The following PRDM5 variants were observed in gnomAD, a reference collection of about 807,000 sequenced individuals.
The protein encoded by PRDM5 is PR domain zinc finger protein 5.
PRDM5 carries 56 observed loss-of-function variants against 81.2 expected under a neutral mutation model. The observed-to-expected ratio is 0.69, with a 90% CI of 0.56 to 0.86. PRDM5 has a LOEUF of 0.86. Among genes scored for constraint, PRDM5 ranks in the 40% least tolerant of loss-of-function variants. PRDM5 has a pLI of 0.00. For missense variants in PRDM5, 697 were observed against 770.1 expected (o/e 0.91, Z 1.12); for synonymous variants, 267 against 256.4 (o/e 1.04, Z -0.39).
downstream of PRDM5, among the ~76,000 whole-genome samples, chr4:120,689,974 T>A (rs1309130317): frequency 2.0e-5 from 3 of 152,112 alleles, no homozygotes; most frequent in African/African-American, 7.2e-5. Flanking sequence ...TTTGCCAATT[T>A]AAATAAAAGT....
chr4:120,844,431 T>C (rs552132567), intron 3 of PRDM5, among the ~76,000 whole-genome samples: 15 of 152,340 alleles, frequency 9.8e-5, no homozygotes, highest in Admixed American at 2.6e-4. Flanking sequence ...TGTGCTTACT[T>C]CATGCCTCTG....
At chr4:120,921,693 A>AT (rs941780904) in intron 1 of PRDM5, among the ~76,000 whole-genome samples, 2 of 152,178 alleles carry the variant, frequency 1.3e-5, no homozygotes, top group Admixed American at 1.3e-4. Context: ...TTATAATATT[A>AT]TAAGATCAAA....
At chr4:120,916,391 A>ATAAT (rs1724170027) in intron 1 of PRDM5, among the ~76,000 whole-genome samples, 1 of 9,046 alleles carries the variant, frequency 1.1e-4, no homozygotes, top group Non-Finnish European at 3.3e-4. Context: ...TATCTCATAA[A>ATAAT]TAAATAAATA....
intron 3 of PRDM5, among the ~76,000 whole-genome samples, chr4:120,835,288 T>C (rs1757211588): frequency 6.6e-6 from 1 of 152,142 alleles, no homozygotes; most frequent in Non-Finnish European, 1.5e-5. Flanking sequence ...ACTACTGAAG[T>C]ATATAATAGA....
At chr4:120,908,258 T>G (rs1429039570) in intron 1 of PRDM5, among the ~76,000 whole-genome samples, 1 of 152,236 alleles carries the variant, frequency 6.6e-6, no homozygotes, top group Non-Finnish European at 1.5e-5. Context: ...CTTTTCTCTC[T>G]AAAGTGACCA....
At chr4:120,786,761 G>A (rs12508821) in intron 10 of PRDM5, among the ~76,000 whole-genome samples, 30,301 of 152,106 alleles carry the variant, frequency 0.2, 3,678 homozygotes, top group Non-Finnish European at 0.28. Context: ...AATCTTTGAT[G>A]ACAAAATAAA....
chr4:120,880,235 T>G (rs960903567), intron 2 of PRDM5, among the ~76,000 whole-genome samples: 2 of 152,134 alleles, frequency 1.3e-5, no homozygotes, highest in Non-Finnish European at 2.9e-5. Flanking sequence ...TAAAATCAAC[T>G]GCTAAATGTC....
intron 3 of PRDM5, among the ~76,000 whole-genome samples, chr4:120,836,662 T>C (rs190278147): frequency 6.6e-6 from 1 of 152,354 alleles, no homozygotes; most frequent in East Asian, 1.9e-4. Flanking sequence ...CATCTGAATC[T>C]TCTAGATAAA....
At chr4:120,842,189 C>G (rs549676420) in intron 3 of PRDM5, among the ~76,000 whole-genome samples, 2 of 152,056 alleles carry the variant, frequency 1.3e-5, no homozygotes, top group African/African-American at 4.8e-5. Context: ...GTTGGCTGCA[C>G]GGCAGTCTGG....
At chr4:120,725,799 C>T (rs897907926) in intron 14 of PRDM5, among the ~76,000 whole-genome samples, 13 of 152,146 alleles carry the variant, frequency 8.5e-5, no homozygotes, top group African/African-American at 3.1e-4. Flanking sequence ...ATCTAGGAGA[C>T]ACACTGTATG....
intron 14 of PRDM5, among the ~76,000 whole-genome samples, chr4:120,728,481 G>C (rs964068882): frequency 2.0e-5 from 3 of 151,902 alleles, no homozygotes; most frequent in Non-Finnish European, 2.9e-5. Flanking sequence ...TTTGATTCCA[G>C]ACAATTATTA....
At chr4:120,737,055 T>C (rs1479557420) in intron 14 of PRDM5, among the ~76,000 whole-genome samples, 2 of 152,160 alleles carry the variant, frequency 1.3e-5, no homozygotes, top group African/African-American at 4.8e-5. Flanking sequence ...ACATAGTCCA[T>C]GCTGTGGCCT....
intron 13 of PRDM5, among the ~76,000 whole-genome samples, chr4:120,760,802 T>C (rs575563535): frequency 2.6e-4 from 39 of 152,216 alleles, no homozygotes; most frequent in African/African-American, 9.4e-4. Flanking sequence ...GCTTTGAGAA[T>C]GCAGTTGCAA....
chr4:120,774,902 A>ATGTATGTATATGTATATG (rs1553963975), intron 13 of PRDM5, among the ~76,000 whole-genome samples: 70 of 146,052 alleles, frequency 4.8e-4, no homozygotes, highest in Middle Eastern at 7.2e-3. Flanking sequence ...ATATATATAT[A>ATGTATGTATATGTATATG]TATATGTATA....
At chr4:120,816,013 T>C (rs571427878) in intron 7 of PRDM5, 43 of 216,514 alleles carry the variant, frequency 2.0e-4, no homozygotes, top group African/African-American at 8.8e-4. Context: ...CAAAATGTGT[T>C]AGCAATTTTC....
intron 10 of PRDM5, among the ~76,000 whole-genome samples, chr4:120,795,081 C>T (rs1751159584): frequency 6.6e-6 from 1 of 152,166 alleles, no homozygotes. Flanking sequence ...CCTCATAAGC[C>T]TCTAAAGTTT....
In PRDM5 at chr4:120,834,644, T is replaced by C. The variant is rs575152602; in HGVS notation, c.301-13299A>G. Among the ~76,000 whole-genome samples, 19 of 152,296 alleles carry C rather than the reference T, an allele frequency of 1.2e-4. No homozygotes were observed. The South Asian group carries it at 3.9e-3, about 32-fold the overall frequency. The stretch of plus-strand genomic sequence containing the variant: ...ATTTGGTCAAATATTATTCTGTGTG[T>C]TTCTGTGGAGTTGTTTTTAGATGAA... On this transcript the variant is annotated intron_variant, in intron 3 of 15. Coordinates refer to ENST00000264808, the MANE Select transcript of PRDM5 (RefSeq NM_018699.4).
At chr4:120,714,950 G>A (rs775608447) in intron 14 of PRDM5, among the ~76,000 whole-genome samples, 1 of 152,172 alleles carries the variant, frequency 6.6e-6, no homozygotes, top group Non-Finnish European at 1.5e-5. Flanking sequence ...GCTTTCCCTA[G>A]CCAGCAATTA....
At chr4:120,772,792 C>T (rs547005726) in intron 13 of PRDM5, among the ~76,000 whole-genome samples, 52 of 152,280 alleles carry the variant, frequency 3.4e-4, no homozygotes, top group Non-Finnish European at 4.7e-4. Flanking sequence ...CTCTTTACAA[C>T]GTCTGCAAGG....
Sources: allele counts gnomAD v4.1 joint callset (sites outside exome capture counted in the v4.1 genomes callset), GRCh38; gene constraint gnomAD v4.1.1; transcripts MANE v1.5; gene names NCBI Gene and HGNC (gene_info 2026-07-23, HGNC 2026-07-21).